The following RGS9 variants were observed in gnomAD, a reference collection of about 807,000 sequenced individuals.
RGS9 encodes regulator of G protein signaling 9.
A neutral mutation model predicts 102.0 loss-of-function variants in RGS9; 78 were observed. That is an observed-to-expected ratio of 0.76 (90% confidence interval 0.64 to 0.92). RGS9 has a LOEUF of 0.92. Among genes scored for constraint, RGS9 ranks in the 40% least tolerant of loss-of-function variants. RGS9 has a pLI of 0.00. For synonymous variants in RGS9, 353 were observed against 318.6 expected (o/e 1.11, Z -1.15); for missense variants, 833 against 866.1 (o/e 0.96, Z 0.48).
chr17:65,192,341 C>A (rs1393000044), intron 11 of RGS9, among the ~76,000 whole-genome samples: 1 of 152,018 alleles, frequency 6.6e-6, no homozygotes, highest in East Asian at 1.9e-4. Flanking sequence ...AGGCCGGGAG[C>A]GGTGGCTCAC....
chr17:65,155,146 C>T (rs148113932), intron 2 of RGS9, among the ~76,000 whole-genome samples: 2 of 152,318 alleles, frequency 1.3e-5, no homozygotes, highest in East Asian at 1.9e-4. Context: ...CAAGAACCAG[C>T]GTAGCTCTGG....
intron 1 of RGS9, among the ~76,000 whole-genome samples, chr17:65,139,115 C>T (rs551863334): frequency 1.1e-4 from 1 of 9,032 alleles, no homozygotes. Context: ...CCCCTCCACC[C>T]CACCTTTCCC....
intron 1 of RGS9, among the ~76,000 whole-genome samples, chr17:65,152,096 A>C (rs948951930): frequency 4.6e-5 from 7 of 152,178 alleles, no homozygotes; most frequent in Non-Finnish European, 1.0e-4. Context: ...AGGAGTGCCA[A>C]GGGTGGAGTT....
At chr17:65,159,688 G>C (rs1717864824) in intron 3 of RGS9, among the ~76,000 whole-genome samples, 1 of 152,180 alleles carries the variant, frequency 6.6e-6, no homozygotes, top group Non-Finnish European at 1.5e-5. Context: ...GATAAACAAG[G>C]CTGTGCTTCC....
At chr17:65,204,464 T>TAAG in intron 15 of RGS9, among the ~76,000 whole-genome samples, 163 bp downstream of exon 15, 1 of 152,272 alleles carries the variant, frequency 6.6e-6, no homozygotes, top group Middle Eastern at 3.4e-3. Flanking sequence ...TAATCCCAGC[T>TAAG]CTTTGGGAAG....
chr17:65,225,294 G>C lies in RGS9; in HGVS notation c.1700G>C (p.Arg567Pro). ...GCCTCCCTCGACACCTCCTGGCCTC[G>C]CAGCCGGCCCAGGGCCCCTCCTAAG... ...SEASLDTSWPRSRPRAPPKAR... is the reference protein window; with the variant it reads ...SEASLDTSWPPSRPRAPPKAR... The change falls in exon 18 of 19, where the codon CGC becomes CCC. Residue 567 changes from arginine (R) to proline (P), a missense_variant. By Grantham distance (103) the Arg-to-Pro change is moderately radical. Coordinates refer to ENST00000262406, the MANE Select transcript of RGS9 (RefSeq NM_003835.4). 1 of 1,609,024 alleles carries C rather than the reference G, an allele frequency of 6.2e-7. No individual in the cohort carries two copies. Among genetic ancestry groups the C allele is most frequent in the Non-Finnish European group, 8.5e-7 (1 of 1,179,934 alleles).
intron 9 of RGS9, 99 bp from the exon 10 acceptor site, chr17:65,189,187 A>G: frequency 1.9e-6 from 2 of 1,027,390 alleles, no homozygotes; most frequent in Non-Finnish European, 1.5e-6. Flanking sequence ...AAAAATGGGC[A>G]TTTTTCTCAT....
rs866271704 is a variant in RGS9 at position 65,197,187 on chromosome 17, C to T, written c.922C>T (p.Arg308Ter). 9 of 1,613,958 alleles carry T rather than the reference C, an allele frequency of 5.6e-6. No homozygotes were observed. Among genetic ancestry groups the T allele is most frequent in the African/African-American group, 1.3e-5 (1 of 75,006 alleles). ...GGCCTTCAACTTCAGCGAATTGATC[C>T]GAGACCCCAAAGGTCGACAGAGCTT... ...RWAFNFSELI[R>*]DPKGRQSFQY... Residue 308 changes from arginine to a stop codon, truncating the protein, a stop_gained, in exon 13 of 19, where the codon CGA becomes TGA. Transcript: ENST00000262406. LOFTEE classifies it high-confidence loss of function.
At chr17:65,213,469 A>G (rs1200373276) in intron 17 of RGS9, among the ~76,000 whole-genome samples, 1 of 152,080 alleles carries the variant, frequency 6.6e-6, no homozygotes, top group Non-Finnish European at 1.5e-5. Context: ...GTTACTCCAT[A>G]TGAGCTGAGA....
At chr17:65,142,124 A>C (rs1477516282) in intron 1 of RGS9, among the ~76,000 whole-genome samples, 1 of 152,214 alleles carries the variant, frequency 6.6e-6, no homozygotes, top group East Asian at 1.9e-4. Context: ...TGCGCCTGTA[A>C]TCCTAGCTAC....
chr17:65,219,959 AC>A (rs1356176864), intron 17 of RGS9, among the ~76,000 whole-genome samples: 2 of 151,878 alleles, frequency 1.3e-5, no homozygotes, highest in East Asian at 1.9e-4. Flanking sequence ...CCTCACCATC[AC>A]CATCACCATT....
In RGS9 at chr17:65,137,476, A is replaced by G; in HGVS notation, c.-65A>G. 1.4e-5 allele frequency: 22 copies of G among 1,552,892 alleles called. No homozygotes were observed. The highest frequency in any genetic ancestry group is 1.9e-5 in the Non-Finnish European group (21 of 1,132,222). On this transcript the variant is annotated 5_prime_UTR_variant, in exon 1 of 19. Coordinates refer to ENST00000262406, the MANE Select transcript of RGS9 (RefSeq NM_003835.4). The stretch of plus-strand genomic sequence containing the variant: ...TGGGGCGAGCCAGGCTGCCTTTCGA[A>G]CTTGGGGGGCTTCTCCTCTTGTCTC...
chr17:65,148,742 C>T (rs1454529587), intron 1 of RGS9, among the ~76,000 whole-genome samples: 1 of 152,054 alleles, frequency 6.6e-6, no homozygotes, highest in Non-Finnish European at 1.5e-5. Context: ...AGGACAAGGG[C>T]TCCCTGTGTT....
intron 1 of RGS9, among the ~76,000 whole-genome samples, chr17:65,139,676 T>A (rs1910082029): frequency 6.6e-6 from 1 of 152,172 alleles, no homozygotes; most frequent in Non-Finnish European, 1.5e-5. Context: ...TGAAGGCTGG[T>A]TCTCCTAATG....
chr17:65,213,462 A>G (rs1913378868), intron 17 of RGS9, among the ~76,000 whole-genome samples: 1 of 151,902 alleles, frequency 6.6e-6, no homozygotes, highest in Admixed American at 6.6e-5. Flanking sequence ...CCTTTTGGTT[A>G]CTCCATATGA....
intron 10 of RGS9, 97 bp from the exon 11 acceptor site, chr17:65,190,078 G>A: frequency 1.0e-6 from 1 of 982,300 alleles, no homozygotes; most frequent in South Asian, 1.3e-5. Flanking sequence ...ACGGGATGTG[G>A]CTCTGGGTAA....
chr17:65,164,385 G>A (rs577389289), intron 7 of RGS9, among the ~76,000 whole-genome samples: 3 of 152,182 alleles, frequency 2.0e-5, no homozygotes, highest in Non-Finnish European at 4.4e-5. Context: ...AGGTTGGTGG[G>A]TGGGGACATA....
At chr17:65,222,715 C>T (rs8066092) in intron 17 of RGS9, among the ~76,000 whole-genome samples, 4,866 of 152,302 alleles carry the variant, frequency 0.032, 265 homozygotes, top group African/African-American at 0.11. Context: ...AGTAGAGTTG[C>T]ACCTCCCTAT....
intron 8 of RGS9, among the ~76,000 whole-genome samples, chr17:65,172,522 T>C (rs1193208368): frequency 6.6e-6 from 1 of 151,948 alleles, no homozygotes; most frequent in Non-Finnish European, 1.5e-5. Context: ...AAAACCAGGG[T>C]GGGTGGAATG....
Sources: allele counts gnomAD v4.1 joint callset (sites outside exome capture counted in the v4.1 genomes callset), GRCh38; gene constraint gnomAD v4.1.1; transcripts MANE v1.5; gene names NCBI Gene and HGNC (gene_info 2026-07-23, HGNC 2026-07-21).